Variants in HYLS1 observed in about 807,000 individuals in gnomAD.
The protein encoded by HYLS1 is HYLS1 centriolar and ciliogenesis associated, also known as centriolar and ciliogenesis-associated protein HYLS1.
HYLS1 carries 25 observed loss-of-function variants against 29.4 expected under a neutral mutation model. The observed-to-expected ratio is 0.85, with a 90% CI of 0.62 to 1.19. The LOEUF is 1.19. Ranked by LOEUF, HYLS1 falls within the 50% of genes most tolerant of loss-of-function variation. The pLI is 0.00. For synonymous variants in HYLS1, 128 were observed against 126.7 expected (o/e 1.01, Z -0.07); for missense variants, 352 against 365.1 (o/e 0.96, Z 0.29).
chr11:125,889,610 G>T (rs1348774109), intron 1 of HYLS1, among the ~76,000 whole-genome samples: 3 of 152,192 alleles, frequency 2.0e-5, no homozygotes, highest in African/African-American at 7.2e-5. Context: ...GGTGGCAGGT[G>T]CCTGTGATCC....
rs756606508 is a variant in HYLS1, at chr11:125,900,038, G to A, written c.670G>A (p.Asp224Asn). The A allele has an allele frequency of 6.2e-7, 1 of 1,614,212 alleles. No homozygotes were observed. The highest frequency in any genetic ancestry group is 2.2e-5 in the East Asian group (1 of 44,892). ...ARYFEYKRDW[D>N]SIRLPGEDHR... is the part of the protein sequence containing the mutation. The stretch of plus-strand genomic sequence containing the variant: ...GTATTTTGAGTACAAACGGGACTGG[G>A]ACTCAATACGTTTACCTGGTGAAGA... Residue 224 changes from aspartate to asparagine, a missense_variant, in exon 3 of 3, where the codon GAC (aspartate) becomes AAC (asparagine). Physicochemically the swap from Asp to Asn is conservative, Grantham distance 23. Coordinates refer to ENST00000425380, the MANE Select transcript of HYLS1 (RefSeq NM_001134793.2).
chr11:125,890,907 C>T (rs2134232603), intron 1 of HYLS1, among the ~76,000 whole-genome samples: 1 of 151,820 alleles, frequency 6.6e-6, no homozygotes, highest in Non-Finnish European at 1.5e-5. Flanking sequence ...ACACATTAAT[C>T]ACTGTATAGT....
chr11:125,891,172 C>T (rs1369561657), intron 1 of HYLS1, among the ~76,000 whole-genome samples: 1 of 152,136 alleles, frequency 6.6e-6, no homozygotes, highest in East Asian at 1.9e-4. Flanking sequence ...CCCATTTGTT[C>T]CACCTGTGAT....
At chr11:125,884,252 G>GA (rs1944270254), upstream of HYLS1, among the ~76,000 whole-genome samples, 1 of 152,194 alleles carries the variant, frequency 6.6e-6, no homozygotes, top group Non-Finnish European at 1.5e-5. Flanking sequence ...AAGACAAGTA[G>GA]AAAATTGAAC....
At chr11:125,884,810 G>C (rs1406056356), upstream of HYLS1, among the ~76,000 whole-genome samples, 1 of 152,058 alleles carries the variant, frequency 6.6e-6, no homozygotes, top group African/African-American at 2.4e-5. Context: ...GAGTTCACTG[G>C]GCTTCATTAT....
At chr11:125,892,395 T>C (rs563080062) in intron 2 of HYLS1, among the ~76,000 whole-genome samples, 2 of 152,218 alleles carry the variant, frequency 1.3e-5, no homozygotes, top group East Asian at 1.9e-4. Flanking sequence ...AAGGATAATG[T>C]ATTTAAGACA....
chr11:125,892,612 T>C (rs908338859), intron 2 of HYLS1, among the ~76,000 whole-genome samples: 9 of 152,222 alleles, frequency 5.9e-5, no homozygotes, highest in African/African-American at 2.2e-4. Context: ...CACTGAGTCC[T>C]GTTGTTTCTA....
rs1327346118 is a variant in HYLS1, at chr11:125,899,541, C to T, written c.173C>T (p.Pro58Leu). ...YDPYSKASVA[P>L]GKRPALPVQL... ...CCCTACAGTAAAGCTTCAGTAGCCC[C>T]AGGGAAGCGACCTGCTCTTCCTGTG... The change falls in exon 3 of 3, where the codon CCA becomes CTA. Residue 58 changes from proline to leucine, a missense_variant. Pro to Leu is a moderately conservative substitution (Grantham distance 98). Transcript: ENST00000425380. 1 of 1,614,122 alleles carries T rather than the reference C, an allele frequency of 6.2e-7. No individual in the cohort carries two copies. The highest frequency in any genetic ancestry group is 8.5e-7 in the Non-Finnish European group (1 of 1,180,006).
intron 2 of HYLS1, chr11:125,895,968 C>G (rs370605722): frequency 2.5e-6 from 4 of 1,614,190 alleles, no homozygotes; most frequent in Non-Finnish European, 3.4e-6. Flanking sequence ...GGATGTCTGT[C>G]TGCTTTCTAC....
intron 2 of HYLS1, among the ~76,000 whole-genome samples, chr11:125,892,602 C>G (rs1944442643): frequency 6.6e-6 from 1 of 152,166 alleles, no homozygotes; most frequent in Non-Finnish European, 1.5e-5. Context: ...CATATTTATT[C>G]ACTGAGTCCT....
At chr11:125,884,303 T>A (rs571333780), upstream of HYLS1, among the ~76,000 whole-genome samples, 24 of 152,270 alleles carry the variant, frequency 1.6e-4, no homozygotes, top group Non-Finnish European at 2.9e-4. Flanking sequence ...ATTAACTACT[T>A]TAGGTGTGAT....
At chr11:125,894,627 T>G (rs1273256436) in intron 2 of HYLS1, among the ~76,000 whole-genome samples, 1 of 152,254 alleles carries the variant, frequency 6.6e-6, no homozygotes, top group African/African-American at 2.4e-5. Context: ...GTAAAATTAT[T>G]GGTATCTATC....
At position 125,899,454 on chromosome 11, in the gene HYLS1, A is replaced by C. The variant is rs200146258; in HGVS notation, c.86A>C (p.His29Pro). 6.0e-4 allele frequency: 972 copies of C among 1,614,164 alleles called. 16 individuals carry two copies. In the South Asian group the frequency reaches 9.9e-3, roughly 16 times the overall value. Reference protein sequence around the residue: ...RMLAAATAFTHICAGQGEGDV... With the variant: ...RMLAAATAFTPICAGQGEGDV... The stretch of plus-strand genomic sequence containing the variant: ...TTGGCAGCTGCTACAGCTTTTACCC[A>C]CATCTGTGCAGGGCAGGGTGAAGGA... Residue 29 changes from histidine (H) to proline (P), a missense_variant, in exon 3 of 3, where the codon CAC becomes CCC. Transcript: ENST00000425380.
upstream of HYLS1, chr11:125,887,619 T>TA (rs1944328171): frequency 6.6e-6 from 1 of 152,286 alleles, no homozygotes; most frequent in Non-Finnish European, 1.5e-5. Context: ...TCTCCGGATT[T>TA]AAACCTCAGC....
chr11:125,895,267 C>T, intron 2 of HYLS1: 1 of 1,607,158 alleles, frequency 6.2e-7, no homozygotes, highest in East Asian at 2.2e-5. Context: ...TTCAGCAGCT[C>T]ATCAATAATC....
In HYLS1 at chr11:125,898,310, G is replaced by A. The variant is rs1944652121; in HGVS notation, c.-25-1034G>A. On this transcript the variant is annotated intron_variant, in intron 2 of 2. Coordinates refer to ENST00000425380, the MANE Select transcript of HYLS1 (RefSeq NM_001134793.2). Reference sequence around the variant, plus strand: ...GATCCAGTCAGGAAACTAGCATTGGGTATGTGGCTGATTGATGTGGATACC... The same window carrying A: ...GATCCAGTCAGGAAACTAGCATTGGATATGTGGCTGATTGATGTGGATACC... Among the ~76,000 whole-genome samples the A allele has an allele frequency of 2.0e-5, 3 of 152,190 alleles. No individual in the cohort carries two copies. The South Asian group carries it at 6.2e-4, about 31-fold the overall frequency.
At chr11:125,886,776 T>G (rs1253834403), upstream of HYLS1, among the ~76,000 whole-genome samples, 2 of 151,434 alleles carry the variant, frequency 1.3e-5, no homozygotes, top group Non-Finnish European at 2.9e-5. Flanking sequence ...CCGGGCATGG[T>G]GGTGCTCGCC....
chr11:125,894,144 A>C (rs1440167888), intron 2 of HYLS1: 1 of 1,613,980 alleles, frequency 6.2e-7, no homozygotes, highest in Non-Finnish European at 8.5e-7. Context: ...AGCATACTAT[A>C]CAACATGTGA....
chr11:125,894,756 C>A (rs985599957), intron 2 of HYLS1, among the ~76,000 whole-genome samples: 1 of 152,110 alleles, frequency 6.6e-6, no homozygotes, highest in African/African-American at 2.4e-5. Context: ...ATAAAACAAG[C>A]AAGATTTAAT....
Sources: gnomAD v4.1 joint callset for allele counts (sites outside exome capture counted in the v4.1 genomes callset) on GRCh38, gnomAD v4.1.1 for gene constraint, MANE v1.5 for transcripts, NCBI Gene and HGNC (gene_info 2026-07-23, HGNC 2026-07-21) for gene names.